The following VPS35 variants were observed in gnomAD, a reference collection of about 807,000 sequenced individuals.
The protein encoded by VPS35 is vacuolar protein sorting-associated protein 35.
VPS35 carries 21 observed loss-of-function variants against 98.1 expected under a neutral mutation model. The ratio of observed to expected loss-of-function variants is 0.21; its 90% CI spans 0.15 to 0.31. VPS35 has a LOEUF of 0.31. Among genes scored for constraint, VPS35 ranks in the 10% least tolerant of loss-of-function variants. The pLI is 1.00. For synonymous variants in VPS35, 268 were observed against 318.2 expected, an observed-to-expected ratio of 0.84 and a Z score of 1.68; for missense variants, 554 against 950.8, an observed-to-expected ratio of 0.58 and a Z score of 5.49.
intron 12 of VPS35, among the ~76,000 whole-genome samples, chr16:46,671,325 C>T (rs1239364386): frequency 1.3e-5 from 2 of 152,006 alleles, no homozygotes; most frequent in Non-Finnish European, 2.9e-5. Context: ...GAATAATTAT[C>T]GGCACTCAAG....
At chr16:46,663,387 T>A (rs534276357) in intron 13 of VPS35, among the ~76,000 whole-genome samples, 3 of 152,370 alleles carry the variant, frequency 2.0e-5, no homozygotes, top group Non-Finnish European at 2.9e-5. Context: ...TTGGTATTTG[T>A]TTTTTCTTTT....
chr16:46,665,489 G>A (rs557407882), intron 13 of VPS35, among the ~76,000 whole-genome samples: 1 of 152,010 alleles, frequency 6.6e-6, no homozygotes, highest in African/African-American at 2.4e-5. Context: ...CAGCTACTCA[G>A]GAGGCTGAAA....
chr16:46,684,845 C>G (rs943191208), intron 1 of VPS35, among the ~76,000 whole-genome samples: 11 of 152,130 alleles, frequency 7.2e-5, no homozygotes, highest in Non-Finnish European at 1.0e-4. Flanking sequence ...CATACAATTA[C>G]AGAATATTAT....
chr16:46,669,212 G>T, intron 12 of VPS35, 160 bp from the exon 13 acceptor site: 1 of 909,256 alleles, frequency 1.1e-6, no homozygotes, highest in Non-Finnish European at 1.7e-6. Flanking sequence ...TCCTCAAGTT[G>T]TCACAACAAC....
At chr16:46,680,085 T>C (rs1020694754) in intron 5 of VPS35, among the ~76,000 whole-genome samples, 1 of 152,214 alleles carries the variant, frequency 6.6e-6, no homozygotes, top group Admixed American at 6.5e-5. Context: ...CTCACCCCAC[T>C]GAAGACCACA....
rs970135927 is a variant in VPS35, at chr16:46,660,426, C to T, written c.*46G>A. On this transcript the variant is annotated 3_prime_UTR_variant, in exon 17 of 17. Transcript: ENST00000299138. ...GAAGGGAAACCTAGCGTAATAAAACCCTCACTGGATGTACATGGAAAGGAG... is the reference window on the plus strand; with the variant it reads ...GAAGGGAAACCTAGCGTAATAAAACTCTCACTGGATGTACATGGAAAGGAG... 1 of 1,607,038 alleles carries T rather than the reference C, an allele frequency of 6.2e-7. No homozygotes were observed. Among genetic ancestry groups the T allele is most frequent in the African/African-American group, 1.3e-5 (1 of 74,900 alleles).
intron 5 of VPS35, among the ~76,000 whole-genome samples, chr16:46,680,382 A>G (rs1275385829): frequency 6.6e-6 from 1 of 152,232 alleles, no homozygotes; most frequent in East Asian, 1.9e-4. Context: ...ACTCTCTTAA[A>G]AAAGTTTTAT....
chr16:46,674,218 G>A, intron 10 of VPS35, 96 bp downstream of exon 10: 4 of 1,370,036 alleles, frequency 2.9e-6, no homozygotes, highest in Admixed American at 1.8e-5. Flanking sequence ...ATTAAAACAA[G>A]ACAAATGCCA....
chr16:46,677,631 G>T, intron 6 of VPS35: 1 of 484,002 alleles, frequency 2.1e-6, no homozygotes, highest in Non-Finnish European at 3.8e-6. Context: ...CACCTCCTAG[G>T]CTCAAGTCAT....
chr16:46,671,807 T>G lies in VPS35; in HGVS notation c.1422A>C (p.Gln474His). 2.5e-6 allele frequency: 4 copies of G among 1,613,802 alleles called. No individual in the cohort carries two copies. The highest frequency in any genetic ancestry group is 3.4e-6 in the Non-Finnish European group (4 of 1,179,986). ...VSTLIQDQPD[Q>H]PVEDPDPEDF... ...CTTCTGGATCAGGGTCTTCTACAGG[T>G]TGATCTGGCTGATCTTGAATCAACG... The change falls in exon 12 of 17, where the codon CAA becomes CAC. Residue 474 changes from glutamine to histidine, a missense_variant. Physicochemically the swap from Gln to His is conservative, Grantham distance 24. Coordinates refer to ENST00000299138, the MANE Select transcript of VPS35 (RefSeq NM_018206.6).
chr16:46,666,141 T>A (rs1266083317), intron 13 of VPS35, among the ~76,000 whole-genome samples: 1 of 152,090 alleles, frequency 6.6e-6, no homozygotes, highest in African/African-American at 2.4e-5. Flanking sequence ...TGATCCCAAA[T>A]GATCCACCCA....
intron 10 of VPS35, among the ~76,000 whole-genome samples, 175 bp from the exon 11 acceptor site, chr16:46,672,647 T>G (rs1213341490): frequency 6.6e-6 from 1 of 152,230 alleles, no homozygotes; most frequent in Non-Finnish European, 1.5e-5. Flanking sequence ...TAAAAATGCT[T>G]ATCTAAACAC....
At chr16:46,688,580 G>C in intron 1 of VPS35, 1 of 994,660 alleles carries the variant, frequency 1.0e-6, no homozygotes, top group Non-Finnish European at 1.2e-6. Flanking sequence ...CATGTAAGCA[G>C]GTCCCCAGAA....
chr16:46,688,376 C>G (rs1380266774), intron 1 of VPS35: 2 of 986,962 alleles, frequency 2.0e-6, no homozygotes, highest in African/African-American at 1.7e-5. Flanking sequence ...CGGCCAACAG[C>G]CACACCACGA....
intron 13 of VPS35, among the ~76,000 whole-genome samples, chr16:46,663,745 G>C (rs1965947162): frequency 6.6e-6 from 1 of 150,856 alleles, no homozygotes; most frequent in South Asian, 2.1e-4. Flanking sequence ...TACCCAGCTG[G>C]AGTGCAGTGG....
chr16:46,664,323 T>C (rs1363806560), intron 13 of VPS35, among the ~76,000 whole-genome samples: 1 of 150,990 alleles, frequency 6.6e-6, no homozygotes, highest in Non-Finnish European at 1.5e-5. Context: ...CGCCCTGCTA[T>C]TTTTTGTATT....
chr16:46,664,018 GT>G (rs1164314190), intron 13 of VPS35, among the ~76,000 whole-genome samples: 3 of 151,122 alleles, frequency 2.0e-5, no homozygotes, highest in Non-Finnish European at 4.4e-5. Flanking sequence ...GCTGATAATT[GT>G]TTTTTCTGAT....
rs764047433 is a variant in VPS35 at position 46,674,663 on chromosome 16, A to T, written c.915-3T>A. On this transcript the variant is annotated splice_region_variant and splice_polypyrimidine_tract_variant and intron_variant, in intron 8 of 16. Transcript: ENST00000299138. ...CACGGTGAGCAAATAAAGCTAATCTAAAAAAAAAAAAAACACCCCTTTATT... is the reference window on the plus strand; with the variant it reads ...CACGGTGAGCAAATAAAGCTAATCTTAAAAAAAAAAAAACACCCCTTTATT... 6 of 353,974 alleles carry T rather than the reference A, an allele frequency of 1.7e-5. No homozygotes were observed. The highest frequency in any genetic ancestry group is 9.4e-5 in the African/African-American group (4 of 42,708). The allele number at this position is 353,974 out of a possible 1,614,324, so 21.9% of individuals were successfully genotyped here.
chr16:46,663,004 G>C lies in VPS35; in HGVS notation c.1806C>G (p.Val602=). 1 of 1,614,176 alleles carries C rather than the reference G, an allele frequency of 6.2e-7. No individual in the cohort carries two copies. The highest frequency in any genetic ancestry group is 8.5e-7 in the Non-Finnish European group (1 of 1,180,036). Residue 602 remains valine, a synonymous_variant, in exon 14 of 17, where the codon GTC becomes GTG. Transcript: ENST00000299138. The stretch of plus-strand genomic sequence containing the variant: ...TCACCTGGGACATGAATTCATATGC[G>C]ACTGTCTCATGATTTTCAAAACCAA... ...GEIGFENHET[V]AYEFMSQAFS... is the part of the protein sequence containing the mutation.
Sources: allele counts gnomAD v4.1 joint callset (sites outside exome capture counted in the v4.1 genomes callset), GRCh38; gene constraint gnomAD v4.1.1; transcripts MANE v1.5; gene names NCBI Gene and HGNC (gene_info 2026-07-23, HGNC 2026-07-21).